Variants in ARHGEF26 observed in about 807,000 individuals in gnomAD.
The protein encoded by ARHGEF26 is Rho guanine nucleotide exchange factor 26, also known as Rho guanine nucleotide exchange factor (GEF) 26.
In ARHGEF26, 59 loss-of-function variants were observed where a neutral mutation model predicts 89.4. That is an observed-to-expected ratio of 0.66 (90% confidence interval 0.54 to 0.82). The LOEUF is 0.82. ARHGEF26 is among the 40% of genes least tolerant of loss of function. The pLI is 0.00. For synonymous variants in ARHGEF26, 500 were observed against 428.4 expected (o/e 1.17, Z -2.06); for missense variants, 1,234 against 1,085.6 (o/e 1.14, Z -1.92).
rs551164166 is a variant in ARHGEF26, at chr3:154,180,128, C to G, written c.1488-7557C>G. ...TCTTCTGACTCTTATCCTCCTGCCT[C>G]CCTCTCTTATAAGGACCTCTGTGAT... On this transcript the variant is annotated intron_variant, in intron 6 of 14. Transcript: ENST00000465093. Among the ~76,000 whole-genome samples the G allele has an allele frequency of 9.2e-5, 14 of 152,234 alleles. No homozygotes were observed. In the South Asian group the frequency reaches 2.9e-3, roughly 32 times the overall value.
chr3:154,169,672 A>G (rs143881708), intron 6 of ARHGEF26, among the ~76,000 whole-genome samples: 1 of 152,308 alleles, frequency 6.6e-6, no homozygotes, highest in Non-Finnish European at 1.5e-5. Flanking sequence ...TGTTGGCGTG[A>G]GTTCAATATT....
chr3:154,154,090 T>TATA lies in ARHGEF26; in HGVS notation c.1487+1160_1487+1162dup, dbSNP rs1216489247. ...ATTCATTTATTAGCTGAAATATTTCTATAAAGGGAAAGGTACATCCATCTA... is the reference window on the plus strand; with the variant it reads ...ATTCATTTATTAGCTGAAATATTTCTATAATAAAGGGAAAGGTACATCCATCTA... On this transcript the variant is annotated intron_variant, in intron 6 of 14. Transcript: ENST00000465093. 1.3e-4 allele frequency among the ~76,000 whole-genome samples: 20 copies of TATA among 152,282 alleles called. 2 individuals carry two copies. The highest frequency in any genetic ancestry group is 4.6e-4 in the African/African-American group (19 of 41,580).
At chr3:154,185,383 AGTTGTG>A (rs1323398670) in intron 6 of ARHGEF26, among the ~76,000 whole-genome samples, 1 of 152,064 alleles carries the variant, frequency 6.6e-6, no homozygotes, top group African/African-American at 2.4e-5. Context: ...TTGGCTACAA[AGTTGTG>A]GGGGGATTTC....
chr3:154,210,441 G>A (rs1470737696), intron 9 of ARHGEF26, among the ~76,000 whole-genome samples: 2 of 151,966 alleles, frequency 1.3e-5, no homozygotes, highest in African/African-American at 4.8e-5. Context: ...AGCCTCCCAA[G>A]TAGCTGGGAT....
intron 4 of ARHGEF26, among the ~76,000 whole-genome samples, chr3:154,129,999 A>G (rs956837868): frequency 6.6e-6 from 1 of 152,184 alleles, no homozygotes; most frequent in Non-Finnish European, 1.5e-5. Flanking sequence ...CTTTTTGTTA[A>G]ATATAGCCTG....
At chr3:154,193,004 A>G (rs1714044564) in intron 8 of ARHGEF26, among the ~76,000 whole-genome samples, 1 of 152,118 alleles carries the variant, frequency 6.6e-6, no homozygotes, top group African/African-American at 2.4e-5. Context: ...AGTGTTGGAG[A>G]TTCATGCCAT....
chr3:154,196,842 A>G (rs1037162712), intron 9 of ARHGEF26, among the ~76,000 whole-genome samples: 2 of 152,118 alleles, frequency 1.3e-5, no homozygotes, highest in African/African-American at 4.8e-5. Flanking sequence ...TCTTGGACAT[A>G]AATGGGATTT....
Position 154,152,305 on chromosome 3 carries a change from C to T in ARHGEF26, c.1327-467C>T, listed in dbSNP as rs550604484. ...GCATAGGGAGAGGAAGAGTGTGACA[C>T]ACAAGAGGGAAGGGAAGGAAGGTGT... On this transcript the variant is annotated intron_variant, in intron 5 of 14. Transcript: ENST00000465093. Among the ~76,000 whole-genome samples, 3 of 152,186 alleles carry T rather than the reference C, an allele frequency of 2.0e-5. No individual in the cohort carries two copies. In the East Asian group the frequency reaches 5.8e-4, roughly 29 times the overall value.
intron 6 of ARHGEF26, among the ~76,000 whole-genome samples, chr3:154,159,185 A>G (rs1401326586): frequency 6.6e-6 from 1 of 152,058 alleles, no homozygotes; most frequent in African/African-American, 2.4e-5. Flanking sequence ...TACCTAGGTT[A>G]TGTTAACAGT....
chr3:154,249,478 T>C (rs1406286134), intron 12 of ARHGEF26, among the ~76,000 whole-genome samples: 2 of 152,218 alleles, frequency 1.3e-5, no homozygotes, highest in Admixed American at 1.3e-4. Context: ...TATAGACATT[T>C]AAGTTAAAAG....
At chr3:154,153,473 G>C (rs543968180) in intron 6 of ARHGEF26, among the ~76,000 whole-genome samples, 240 of 151,942 alleles carry the variant, frequency 1.6e-3, no homozygotes, top group African/African-American at 5.2e-3. Flanking sequence ...TTTTTTCCAA[G>C]TATATACATT....
intron 5 of ARHGEF26, among the ~76,000 whole-genome samples, chr3:154,150,170 T>C (rs1467604849): frequency 7.5e-6 from 1 of 133,694 alleles, no homozygotes; most frequent in South Asian, 2.5e-4. Context: ...TAGAATAAAG[T>C]GAAATACAAG....
chr3:154,170,963 C>T (rs975851960), intron 6 of ARHGEF26, among the ~76,000 whole-genome samples: 7 of 152,078 alleles, frequency 4.6e-5, no homozygotes, highest in African/African-American at 1.4e-4. Flanking sequence ...TTTTCTTCTT[C>T]AAGAAGTAAG....
intron 4 of ARHGEF26, among the ~76,000 whole-genome samples, chr3:154,147,437 G>A (rs1719768859): frequency 6.6e-6 from 1 of 152,106 alleles, no homozygotes; most frequent in Admixed American, 6.5e-5. Flanking sequence ...CGAAAAAGGA[G>A]CCTGTACAAT....
At chr3:154,141,815 A>G (rs376191898) in intron 4 of ARHGEF26, among the ~76,000 whole-genome samples, 2 of 152,314 alleles carry the variant, frequency 1.3e-5, no homozygotes, top group East Asian at 1.9e-4. Flanking sequence ...GTTCTGTTAC[A>G]TTTAAATAGA....
intron 11 of ARHGEF26, among the ~76,000 whole-genome samples, chr3:154,226,660 T>TACACACAC (rs3029724): frequency 0.078 from 11,536 of 148,040 alleles, 555 homozygotes; most frequent in South Asian, 0.13. Flanking sequence ...GTTTCTGTTC[T>TACACACAC]ACACACACAC....
intron 4 of ARHGEF26, among the ~76,000 whole-genome samples, chr3:154,137,686 G>C (rs941350442): frequency 3.3e-5 from 5 of 151,954 alleles, no homozygotes; most frequent in Admixed American, 3.3e-4. Context: ...GAATAATTCA[G>C]ACATTTTGGA....
At chr3:154,157,526 A>G (rs1287422389) in intron 6 of ARHGEF26, among the ~76,000 whole-genome samples, 1 of 152,164 alleles carries the variant, frequency 6.6e-6, no homozygotes, top group Non-Finnish European at 1.5e-5. Context: ...GTGGCATTGT[A>G]GAGAACAGTA....
intron 6 of ARHGEF26, among the ~76,000 whole-genome samples, chr3:154,186,128 CACACTTAG>C (rs1713510607): frequency 2.2e-5 from 2 of 90,106 alleles, no homozygotes; most frequent in Admixed American, 1.5e-4. Flanking sequence ...TTTCTCTACA[CACACTTAG>C]ACACACACAC....
Sources: gnomAD v4.1 joint callset for allele counts (sites outside exome capture counted in the v4.1 genomes callset) on GRCh38, gnomAD v4.1.1 for gene constraint, MANE v1.5 for transcripts, NCBI Gene and HGNC (gene_info 2026-07-23, HGNC 2026-07-21) for gene names.